Variants in PRR14 observed in about 807,000 individuals in gnomAD.
PRR14 encodes the protein proline-rich protein 14.
In PRR14, 33 loss-of-function variants were observed where a neutral mutation model predicts 57.2. The observed-to-expected ratio is 0.58, with a 90% confidence interval of 0.44 to 0.77. The LOEUF (loss-of-function observed/expected upper bound fraction) is 0.77, where lower values mean the gene tolerates loss of function less well. Among genes scored for constraint, PRR14 ranks in the 30% least tolerant of loss-of-function variants. The pLI, the probability that PRR14 is intolerant of heterozygous loss-of-function variation, is 0.00. For missense variants in PRR14, 716 were observed against 788.1 expected (o/e 0.91, Z 1.10); for synonymous variants, 303 against 314.7 (o/e 0.96, Z 0.39).
At position 30,651,544 on chromosome 16, in the gene PRR14, A is replaced by G; in HGVS notation, c.-50-52A>G. 1 of 760,722 alleles carries G rather than the reference A, an allele frequency of 1.3e-6. No homozygotes were observed. Among genetic ancestry groups the G allele is most frequent in the Non-Finnish European group, 2.0e-6 (1 of 504,628 alleles). The allele number at this position is 760,722 out of a possible 1,614,324, so 47.1% of individuals were successfully genotyped here. ...GGCGGACCATGAAGGGCGGAGCCCCAGGGAAGGGGCCGGCCCTCACCCCCC... is the reference window on the plus strand; with the variant it reads ...GGCGGACCATGAAGGGCGGAGCCCCGGGGAAGGGGCCGGCCCTCACCCCCC... On this transcript the variant is annotated intron_variant, in intron 1 of 11. Transcript: ENST00000300835. The surrounding 1 kb of genome is among the most constrained non-coding windows in gnomAD (Gnocchi z 5.0).
intron 5 of PRR14, 115 bp downstream of exon 5, chr16:30,653,218 T>C (rs2052331960): frequency 7.3e-7 from 1 of 1,371,138 alleles, no homozygotes; most frequent in South Asian, 1.3e-5. Flanking sequence ...GATGGCATTT[T>C]AGGCGGCAGA....
chr16:30,651,810 C>G lies in PRR14; in HGVS notation c.38C>G (p.Pro13Arg). ...LPGDSSPPGQ[P>R]RLCRQPLTRA... is the part of the protein sequence containing the mutation. Reference sequence around the variant, plus strand: ...TCACCCTCCAGCCCGCCTGGCCAGCCGCGTCTGTGCCGCCAGCCTCTGACT... The same window carrying G: ...TCACCCTCCAGCCCGCCTGGCCAGCGGCGTCTGTGCCGCCAGCCTCTGACT... The change falls in exon 3 of 12, where the codon CCG (proline) becomes CGG (arginine). Residue 13 changes from proline (P) to arginine (R), a missense_variant. Coordinates refer to ENST00000300835, the MANE Select transcript of PRR14 (RefSeq NM_024031.5). The surrounding 1 kb of genome is among the most constrained non-coding windows in gnomAD (Gnocchi z 5.0). 1 of 1,606,376 alleles carries G rather than the reference C, an allele frequency of 6.2e-7. No individual in the cohort carries two copies.
rs1443114851 is a variant in PRR14, at chr16:30,654,992, G to A, written c.1022G>A (p.Gly341Asp). The change falls in exon 8 of 12, where the codon GGC becomes GAC. Residue 341 changes from glycine to aspartate, a missense_variant. Coordinates refer to ENST00000300835, the MANE Select transcript of PRR14 (RefSeq NM_024031.5). ...TCCTGCCCTGATCTGGGGCCCCCTG[G>A]CCCAGGTACCTGCACCTGGCCACCT... The part of the protein sequence containing the change: ...SYSCPDLGPP[G>D]PGTCTWPPAP... 1 of 1,610,528 alleles carries A rather than the reference G, an allele frequency of 6.2e-7. No individual in the cohort carries two copies. Among genetic ancestry groups the A allele is most frequent in the Non-Finnish European group, 8.5e-7 (1 of 1,179,938 alleles).
chr16:30,655,647 G>T lies in PRR14; in HGVS notation c.1406+54G>T. 6 of 1,505,112 alleles carry T rather than the reference G, an allele frequency of 4.0e-6. No homozygotes were observed. Among genetic ancestry groups the T allele is most frequent in the Non-Finnish European group, 5.5e-6 (6 of 1,083,066 alleles). The allele number at this position is 1,505,112 out of a possible 1,614,324, so 93.2% of individuals were successfully genotyped here. On this transcript the variant is annotated intron_variant, in intron 10 of 11. Transcript: ENST00000300835. This position sits in a 1 kb window ranked among gnomAD's most constrained non-coding sequence, Gnocchi z 4.6. The stretch of plus-strand genomic sequence containing the variant: ...CTTGGCCAAACAGATGCAGGCTTAT[G>T]TCCCCTGAAGTATAGCTTTGTCTCC...
At position 30,655,044 on chromosome 16, in the gene PRR14, G is replaced by A; in HGVS notation, c.1074G>A (p.Arg358=). The A allele has an allele frequency of 6.2e-7, 1 of 1,610,774 alleles. No homozygotes were observed. Among genetic ancestry groups the A allele is most frequent in the Non-Finnish European group, 8.5e-7 (1 of 1,179,792 alleles). Reference sequence around the variant, plus strand: ...CTCCACCCCAACCAAGCCGACCACGGCCGCGGCGGCACACTGTGGGTGGTG... The same window carrying A: ...CTCCACCCCAACCAAGCCGACCACGACCGCGGCGGCACACTGTGGGTGGTG... ...PPAPPQPSRP[R]PRRHTVGGGE... is the part of the protein sequence containing the mutation. Residue 358 remains arginine (R), a synonymous_variant, in exon 8 of 12, where the codon CGG becomes CGA. Transcript: ENST00000300835. This position sits in a 1 kb window ranked among gnomAD's most constrained non-coding sequence, Gnocchi z 4.6.
chr16:30,653,230 A>G (rs1366253984), intron 5 of PRR14, 127 bp downstream of exon 5: 3 of 1,364,322 alleles, frequency 2.2e-6, no homozygotes, highest in African/African-American at 2.9e-5. Context: ...GGCGGCAGAC[A>G]CTGCCTGAGC....
In PRR14 at chr16:30,652,909, G is replaced by A. The variant is rs376200727; in HGVS notation, c.315-5G>A. ...GCCATTTTAATCTTCCTGTTCCCTC[G>A]CTAGGCCTCCCGACCCTCTGTGTTT... On this transcript the variant is annotated splice_region_variant and splice_polypyrimidine_tract_variant and intron_variant, in intron 4 of 11. Coordinates refer to ENST00000300835, the MANE Select transcript of PRR14 (RefSeq NM_024031.5). 6.2e-6 allele frequency: 10 copies of A among 1,613,806 alleles called. No individual in the cohort carries two copies. In the African/African-American group the frequency reaches 6.7e-5, roughly 11 times the overall value.
chr16:30,652,679 C>T (rs1567538234), intron 3 of PRR14, 42 bp from the exon 4 acceptor site: 4 of 1,613,498 alleles, frequency 2.5e-6, no homozygotes, highest in East Asian at 4.5e-5. Context: ...CCCGTCCAGC[C>T]TCATTCTATC....
In PRR14 at chr16:30,655,002, C is replaced by T. The variant is rs2052354479; in HGVS notation, c.1032C>T (p.Thr344=). 1 of 1,610,612 alleles carries T rather than the reference C, an allele frequency of 6.2e-7. No individual in the cohort carries two copies. Among genetic ancestry groups the T allele is most frequent in the South Asian group, 1.1e-5 (1 of 91,032 alleles). The stretch of plus-strand genomic sequence containing the variant: ...ATCTGGGGCCCCCTGGCCCAGGTAC[C>T]TGCACCTGGCCACCTGCTCCACCCC... The part of the protein sequence containing the change: ...CPDLGPPGPG[T]CTWPPAPPQP... The change falls in exon 8 of 12, where the codon ACC becomes ACT. Residue 344 remains threonine (T), a synonymous_variant. Coordinates refer to ENST00000300835, the MANE Select transcript of PRR14 (RefSeq NM_024031.5). This position sits in a 1 kb window ranked among gnomAD's most constrained non-coding sequence, Gnocchi z 4.6.
intron 7 of PRR14, 27 bp downstream of exon 7, chr16:30,654,366 A>G: frequency 6.4e-7 from 1 of 1,562,402 alleles, no homozygotes; most frequent in East Asian, 2.2e-5. Context: ...AGATCGGATG[A>G]GACTTGGGTG....
Position 30,654,786 on chromosome 16 carries a change from G to GCCCCCCCCCCC in PRR14, c.821_822insCCCCCCCCCCC (p.Ser277ProfsTer8). 1.3e-6 allele frequency: 2 copies of GCCCCCCCCCCC among 1,568,098 alleles called. No homozygotes were observed. The highest frequency in any genetic ancestry group is 1.7e-6 in the Non-Finnish European group (2 of 1,145,212). ...TCCTCACGCCCAACAAAACCCCACAGCCCCCACCCCCGTCCCCCCCAATGA... is the reference window on the plus strand; with the variant it reads ...TCCTCACGCCCAACAAAACCCCACAGCCCCCCCCCCCCCCCCACCCCCGTCCCCCCCAATGA... On this transcript the variant is annotated frameshift_variant, in exon 8 of 12. Coordinates refer to ENST00000300835, the MANE Select transcript of PRR14 (RefSeq NM_024031.5). LOFTEE classifies it high-confidence loss of function.
intron 6 of PRR14, 64 bp from the exon 7 acceptor site, chr16:30,654,166 G>C (rs1222334466): frequency 1.9e-6 from 2 of 1,075,638 alleles, no homozygotes; most frequent in African/African-American, 1.6e-5. Context: ...AGGGATAGGG[G>C]AGTTGCTGGC....
At position 30,654,831 on chromosome 16, in the gene PRR14, C is replaced by T. The variant is rs1169009680; in HGVS notation, c.861C>T (p.Ala287=). Residue 287 remains alanine, a synonymous_variant, in exon 8 of 12, where the codon GCC becomes GCT. Coordinates refer to ENST00000300835, the MANE Select transcript of PRR14 (RefSeq NM_024031.5). ...SPPMKLELKI[A]ISEAEQSGAA... is the part of the protein sequence containing the mutation. ...CAATGAAGCTGGAGTTGAAGATCGC[C>T]ATCTCAGAGGCCGAGCAGTCTGGGG... 1 of 1,604,778 alleles carries T rather than the reference C, an allele frequency of 6.2e-7. No individual in the cohort carries two copies. Among genetic ancestry groups the T allele is most frequent in the Admixed American group, 1.7e-5 (1 of 59,832 alleles).
At position 30,651,521 on chromosome 16, in the gene PRR14, C is replaced by G; in HGVS notation, c.-50-75C>G. On this transcript the variant is annotated intron_variant, in intron 1 of 11. Transcript: ENST00000300835. The surrounding 1 kb of genome is among the most constrained non-coding windows in gnomAD (Gnocchi z 5.0). ...CCGCTGGGCTACGGGGAGCCGCGGG[C>G]GGACCATGAAGGGCGGAGCCCCAGG... 4.6e-6 allele frequency: 3 copies of G among 650,306 alleles called. No individual in the cohort carries two copies. Among genetic ancestry groups the G allele is most frequent in the Non-Finnish European group, 7.3e-6 (3 of 412,274 alleles). 40.3% of individuals were successfully genotyped at this position (650,306 alleles called of 1,614,324 possible).
At position 30,652,856 on chromosome 16, in the gene PRR14, G is replaced by A. The variant is rs1019459951; in HGVS notation, c.314+14G>A. The A allele has an allele frequency of 1.2e-6, 2 of 1,613,976 alleles. No individual in the cohort carries two copies. Among genetic ancestry groups the A allele is most frequent in the Admixed American group, 1.7e-5 (1 of 59,996 alleles). On this transcript the variant is annotated intron_variant, in intron 4 of 11. Transcript: ENST00000300835. Reference sequence around the variant, plus strand: ...CTCGCAGGCCAGGTGAGCATGGCAGGATGGGGGTAAGCCGAGGGCCCAGCT... The same window carrying A: ...CTCGCAGGCCAGGTGAGCATGGCAGAATGGGGGTAAGCCGAGGGCCCAGCT...
Position 30,655,680 on chromosome 16 carries a change from G to A in PRR14, c.1406+87G>A, listed in dbSNP as rs1403406396. 4.3e-6 allele frequency: 6 copies of A among 1,386,780 alleles called. No homozygotes were observed. Among genetic ancestry groups the A allele is most frequent in the Non-Finnish European group, 6.1e-6 (6 of 980,460 alleles). The allele number at this position is 1,386,780 out of a possible 1,614,324, so 85.9% of individuals were successfully genotyped here. A position where few individuals can be genotyped will look rare whatever the true frequency, so the allele number is the denominator to read the frequency against. ...AAGTATAGCTTTGTCTCCCCTCAGG[G>A]AGCACAGTCCAGCCTGAAAGATTCA... On this transcript the variant is annotated intron_variant, in intron 10 of 11. Transcript: ENST00000300835. This position sits in a 1 kb window ranked among gnomAD's most constrained non-coding sequence, Gnocchi z 4.6.
At position 30,653,539 on chromosome 16, in the gene PRR14, G is replaced by A. The variant is rs763418971; in HGVS notation, c.548+131G>A. The A allele has an allele frequency of 4.1e-5, 39 of 958,068 alleles. No homozygotes were observed. The East Asian group carries it at 5.2e-4, about 13-fold the overall frequency. The allele number at this position is 958,068 out of a possible 1,614,324, so 59.3% of individuals were successfully genotyped here. A position where few individuals can be genotyped will look rare whatever the true frequency, so the allele number is the denominator to read the frequency against. On this transcript the variant is annotated intron_variant, in intron 6 of 11. Transcript: ENST00000300835. Reference sequence around the variant, plus strand: ...GCATCTTAAAAAGCCTTAAGGGGCCGGGCACGCCCATGCCTAATGCCAGCA... The same window carrying A: ...GCATCTTAAAAAGCCTTAAGGGGCCAGGCACGCCCATGCCTAATGCCAGCA...
In PRR14 at chr16:30,654,870, T is replaced by C. The variant is rs2052351756; in HGVS notation, c.900T>C (p.Thr300=). The change falls in exon 8 of 12, where the codon ACT becomes ACC. Residue 300 remains threonine (T), a synonymous_variant. Coordinates refer to ENST00000300835, the MANE Select transcript of PRR14 (RefSeq NM_024031.5). ...EAEQSGAAEG[T]ASVSPRPPIR... Reference sequence around the variant, plus strand: ...AGCAGTCTGGGGCTGCTGAGGGCACTGCGTCTGTCAGCCCCCGGCCCCCAA... The same window carrying C: ...AGCAGTCTGGGGCTGCTGAGGGCACCGCGTCTGTCAGCCCCCGGCCCCCAA... 6.3e-7 allele frequency: 1 copy of C among 1,575,248 alleles called. No homozygotes were observed. Among genetic ancestry groups the C allele is most frequent in the Non-Finnish European group, 8.6e-7 (1 of 1,158,352 alleles).
At position 30,652,781 on chromosome 16, in the gene PRR14, C is replaced by G. The variant is rs1197318125; in HGVS notation, c.253C>G (p.Pro85Ala). Residue 85 changes from proline (P) to alanine (A), a missense_variant, in exon 4 of 12, where the codon CCT becomes GCT. Transcript: ENST00000300835. ...ACAGCACCACAGCTACCATCAGGAT[C>G]CTGTCCACAGGCAGCCGCCTGCCTC... The part of the protein sequence containing the change: ...IPQHHSYHQD[P>A]VHRQPPASPP... 2.5e-6 allele frequency: 4 copies of G among 1,614,140 alleles called. No individual in the cohort carries two copies. Among genetic ancestry groups the G allele is most frequent in the Admixed American group, 3.3e-5 (2 of 60,012 alleles).
Sources: gnomAD v4.1 joint callset for allele counts on GRCh38, gnomAD v4.1.1 for gene constraint, Gnocchi (gnomAD v3.1) non-coding constraint, MANE v1.5 for transcripts, NCBI Gene and HGNC (gene_info 2026-07-23, HGNC 2026-07-21) for gene names.